The following GBE1 variants were observed in gnomAD, a reference collection of about 807,000 sequenced individuals.
The protein encoded by GBE1 is 1,4-alpha-glucan-branching enzyme.
A neutral mutation model predicts 88.8 loss-of-function variants in GBE1; 70 were observed. The observed-to-expected ratio is 0.79, with a 90% CI of 0.65 to 0.96. The LOEUF is 0.96. Ranked by LOEUF, GBE1 falls within the 40% of genes least tolerant of loss-of-function variation. The pLI, the probability that GBE1 is intolerant of heterozygous loss-of-function variation, is 0.00. For synonymous variants in GBE1, 284 were observed against 300.1 expected, an observed-to-expected ratio of 0.95 and a Z score of 0.56; for missense variants, 872 against 871.0, an observed-to-expected ratio of 1.00 and a Z score of -0.01.
At chr3:81,745,131 G>C (rs763968830) in intron 1 of GBE1, among the ~76,000 whole-genome samples, 5 of 152,130 alleles carry the variant, frequency 3.3e-5, no homozygotes, top group African/African-American at 4.8e-5. Context: ...GTGCCAAAGA[G>C]AGTGTTAGGA....
At chr3:81,668,909 T>C in intron 3 of GBE1, among the ~76,000 whole-genome samples, 1 of 152,220 alleles carries the variant, frequency 6.6e-6, no homozygotes, top group South Asian at 2.1e-4. Context: ...TTGGAGCAGA[T>C]AAAAATTAAA....
intron 12 of GBE1, among the ~76,000 whole-genome samples, chr3:81,543,807 T>C (rs374496116): frequency 6.6e-6 from 1 of 152,142 alleles, no homozygotes; most frequent in South Asian, 2.1e-4. Flanking sequence ...TATTTTAGCA[T>C]AGATGACTTG....
chr3:81,606,232 A>G (rs1704099920), intron 7 of GBE1, among the ~76,000 whole-genome samples: 1 of 152,198 alleles, frequency 6.6e-6, no homozygotes, highest in African/African-American at 2.4e-5. Flanking sequence ...AATTCAGTCT[A>G]TGCTTTAAAA....
intron 2 of GBE1, among the ~76,000 whole-genome samples, chr3:81,672,501 T>C (rs1705202066): frequency 6.6e-6 from 1 of 151,732 alleles, no homozygotes; most frequent in Admixed American, 6.6e-5. Flanking sequence ...TTTAAAAGAG[T>C]ACAGAAGAAT....
chr3:81,626,100 T>G (rs528373539), intron 7 of GBE1, among the ~76,000 whole-genome samples: 1 of 152,146 alleles, frequency 6.6e-6, no homozygotes, highest in Non-Finnish European at 1.5e-5. Context: ...AACAAAACAA[T>G]GCCGGCACTG....
In GBE1 at chr3:81,586,114, G is replaced by A. The variant is rs1230218177; in HGVS notation, c.1313C>T (p.Ala438Val). The A allele has an allele frequency of 6.2e-7, 1 of 1,608,488 alleles. No individual in the cohort carries two copies. Among genetic ancestry groups the A allele is most frequent in the Non-Finnish European group, 8.5e-7 (1 of 1,177,304 alleles). Residue 438 changes from alanine to valine, a missense_variant, in exon 10 of 16, where the codon GCA becomes GTA. Coordinates refer to ENST00000429644, the MANE Select transcript of GBE1 (RefSeq NM_000158.4). ...GGGFDYRLAM[A>V]IPDKWIQLLK... ...TACCTGAATCCACTTATCTGGAATT[G>A]CCATGGCTAGTCGATAGTCAAAACC...
chr3:81,594,335 C>A (rs949046342), intron 7 of GBE1, among the ~76,000 whole-genome samples: 7 of 151,970 alleles, frequency 4.6e-5, no homozygotes, highest in Non-Finnish European at 1.0e-4. Flanking sequence ...GTGTTCTCAG[C>A]AACCGGAAAA....
intron 8 of GBE1, among the ~76,000 whole-genome samples, chr3:81,592,171 G>A (rs1401435663): frequency 6.6e-6 from 1 of 151,906 alleles, no homozygotes; most frequent in Non-Finnish European, 1.5e-5. Flanking sequence ...GTGTGTTTAG[G>A]ATACTTAAAG....
chr3:81,751,843 A>G (rs979109969), intron 1 of GBE1, among the ~76,000 whole-genome samples: 3 of 152,198 alleles, frequency 2.0e-5, no homozygotes, highest in Non-Finnish European at 4.4e-5. Flanking sequence ...TGTATTGTGC[A>G]GTTATTCATA....
intron 14 of GBE1, among the ~76,000 whole-genome samples, chr3:81,510,479 A>C (rs929017315): frequency 6.6e-6 from 1 of 152,084 alleles, no homozygotes; most frequent in Admixed American, 6.6e-5. Flanking sequence ...AAAAACTGTA[A>C]AGCAAAGCTT....
intron 7 of GBE1, among the ~76,000 whole-genome samples, chr3:81,619,695 A>G (rs1704299254): frequency 6.6e-6 from 1 of 152,108 alleles, no homozygotes; most frequent in Non-Finnish European, 1.5e-5. Context: ...TTGTTTTAAA[A>G]TTATCCTCTA....
At chr3:81,552,520 T>TAAAAA (rs58899195) in intron 12 of GBE1, among the ~76,000 whole-genome samples, 4 of 55,830 alleles carry the variant, frequency 7.2e-5, no homozygotes, top group Non-Finnish European at 1.0e-4. Context: ...CTATCTTATA[T>TAAAAA]AAAAAAAAAA....
In GBE1 at chr3:81,761,410, C is replaced by T. The variant is rs775188750; in HGVS notation, c.108G>A (p.Pro36=). ...PELARLLEID[P]YLKPYAVDFQ... ...AGTCCACGGCGTAGGGCTTCAAGTA[C>T]GGGTCGATCTCCAGGAGTCTGGCCA... The change falls in exon 1 of 16, where the codon CCG becomes CCA. Residue 36 remains proline (P), a synonymous_variant. Transcript: ENST00000429644. 2.0e-5 allele frequency: 32 copies of T among 1,613,218 alleles called. No homozygotes were observed. In the South Asian group the frequency reaches 3.4e-4, roughly 17 times the overall value.
At chr3:81,623,869 C>T (rs1397971929) in intron 7 of GBE1, among the ~76,000 whole-genome samples, 1 of 152,106 alleles carries the variant, frequency 6.6e-6, no homozygotes, top group African/African-American at 2.4e-5. Context: ...GGGGGTCTCA[C>T]TATGTTGCCC....
At chr3:81,680,017 C>T (rs550009722) in intron 2 of GBE1, among the ~76,000 whole-genome samples, 13 of 152,312 alleles carry the variant, frequency 8.5e-5, no homozygotes, top group African/African-American at 2.9e-4. Flanking sequence ...TCTCAGAGCC[C>T]ACCACATGGA....
intron 1 of GBE1, among the ~76,000 whole-genome samples, chr3:81,731,415 G>A (rs1706183970): frequency 1.3e-5 from 2 of 152,098 alleles, no homozygotes; most frequent in Admixed American, 6.6e-5. Context: ...CAAAAGCTAA[G>A]CCACTGGAAT....
intron 12 of GBE1, among the ~76,000 whole-genome samples, chr3:81,549,183 C>G (rs1478268677): frequency 2.0e-5 from 3 of 150,810 alleles, no homozygotes; most frequent in Non-Finnish European, 4.5e-5. Context: ...GTGTCCACCA[C>G]CATGCCGAGC....
At chr3:81,612,362 G>A (rs548228640) in intron 7 of GBE1, 12 of 786,894 alleles carry the variant, frequency 1.5e-5, no homozygotes, top group Non-Finnish European at 2.4e-5. Context: ...GGACTTTGAA[G>A]ATGGATCACC....
In GBE1 at chr3:81,648,876, A is replaced by G. The variant is rs137852886; in HGVS notation, c.671T>C (p.Leu224Pro). ...CTTACCAAGGCCTTTGATTCTTGGTAGTACATTGCATGTAAAATGTTTATA... is the reference window on the plus strand; with the variant it reads ...CTTACCAAGGCCTTTGATTCTTGGTGGTACATTGCATGTAAAATGTTTATA... The part of the protein sequence containing the change: ...ASYKHFTCNV[L>P]PRIKGLGYNC... The change falls in exon 5 of 16, where the codon CTA becomes CCA. Residue 224 changes from leucine to proline, a missense_variant. By Grantham distance (98) the Leu-to-Pro change is moderately conservative (BLOSUM62 -3). Transcript: ENST00000429644. 7 of 1,567,166 alleles carry G rather than the reference A, an allele frequency of 4.5e-6. No individual in the cohort carries two copies. The highest frequency in any genetic ancestry group is 1.7e-6 in the Non-Finnish European group (2 of 1,154,504).
Sources: gnomAD v4.1 joint callset for allele counts (sites outside exome capture counted in the v4.1 genomes callset) on GRCh38, gnomAD v4.1.1 for gene constraint, MANE v1.5 for transcripts, NCBI Gene and HGNC (gene_info 2026-07-23, HGNC 2026-07-21) for gene names.